Variants in SPAG17 observed in about 807,000 individuals in gnomAD.
The protein encoded by SPAG17 is sperm associated antigen 17, also known as sperm-associated antigen 17.
In SPAG17, 169 loss-of-function variants were observed where a neutral mutation model predicts 273.6. That is an observed-to-expected ratio of 0.62 (90% CI 0.55 to 0.70). The LOEUF (loss-of-function observed/expected upper bound fraction) is 0.70, where lower values mean the gene tolerates loss of function less well. Among genes scored for constraint, SPAG17 ranks in the 30% least tolerant of loss-of-function variants. The pLI, the probability that SPAG17 is intolerant of heterozygous loss-of-function variation, is 0.00. For missense variants in SPAG17, 2,557 were observed against 2,627.8 expected (o/e 0.97, Z 0.59); for synonymous variants, 825 against 873.2 (o/e 0.94, Z 0.97).
rs746861216 is a variant in SPAG17, at chr1:117,992,568, C to T, written c.5259G>A (p.Pro1753=). 9.3e-6 allele frequency: 15 copies of T among 1,613,552 alleles called. No individual in the cohort carries two copies. The highest frequency in any genetic ancestry group is 1.7e-4 in the Middle Eastern group (1 of 6,042). Residue 1753 remains proline (P), a synonymous_variant, in exon 36 of 49, where the codon CCG becomes CCA. Coordinates refer to ENST00000336338, the MANE Select transcript of SPAG17 (RefSeq NM_206996.4). ...CACTGGGGCTCTTGAGTATGGCACC[C>T]GGGGCACTCACTAGCTGTTTGGACT... ...CIESKQLVSA[P]GAILKSPSVL...
chr1:118,024,697 G>A (rs555088910), intron 27 of SPAG17, among the ~76,000 whole-genome samples: 3 of 152,090 alleles, frequency 2.0e-5, no homozygotes, highest in Non-Finnish European at 1.5e-5. Flanking sequence ...CATCCTCTGG[G>A]TGACAGTGAG....
chr1:118,081,081 ACACACACACT>A lies in SPAG17; in HGVS notation c.2209+10_2209+19del. ...CTTACACACACACACACACACACAC[ACACACACACT>A]TTAACTTACCCAGAGACTCATGTTG... is the stretch of plus-strand genomic sequence containing the variant. On this transcript the variant is annotated intron_variant, in intron 15 of 48. Transcript: ENST00000336338. 1 of 1,559,034 alleles carries A rather than the reference ACACACACACT, an allele frequency of 6.4e-7. No individual in the cohort carries two copies. Among genetic ancestry groups the A allele is most frequent in the South Asian group, 1.1e-5 (1 of 89,924 alleles).
At chr1:118,125,629 A>G (rs1657679657) in intron 3 of SPAG17, among the ~76,000 whole-genome samples, 1 of 152,134 alleles carries the variant, frequency 6.6e-6, no homozygotes, top group African/African-American at 2.4e-5. Context: ...TGTGGTATTT[A>G]TCTGTCTGTG....
intron 4 of SPAG17, among the ~76,000 whole-genome samples, chr1:118,106,446 A>T (rs940345264): frequency 1.3e-5 from 2 of 152,148 alleles, no homozygotes; most frequent in Non-Finnish European, 2.9e-5. Context: ...ATGGGTTTGT[A>T]AGGCACAAGT....
intron 1 of SPAG17, among the ~76,000 whole-genome samples, chr1:118,179,038 T>C (rs1230240308): frequency 6.6e-6 from 1 of 151,970 alleles, no homozygotes; most frequent in Non-Finnish European, 1.5e-5. Flanking sequence ...TCCAAAATAA[T>C]TTACAGTTAT....
Position 118,039,852 on chromosome 1 carries a change from A to G in SPAG17, c.3167-408T>C, listed in dbSNP as rs1048292137. ...ATGCTTAGAGATGTCACCTCTATAA[A>G]AGAATGCCTAAGGAAATAAAGTAAT... On this transcript the variant is annotated intron_variant, in intron 22 of 48. Coordinates refer to ENST00000336338, the MANE Select transcript of SPAG17 (RefSeq NM_206996.4). Among the ~76,000 whole-genome samples the G allele has an allele frequency of 5.3e-5, 8 of 152,182 alleles. No individual in the cohort carries two copies. In the East Asian group the frequency reaches 1.3e-3, roughly 26 times the overall value.
chr1:117,994,678 T>C, intron 34 of SPAG17, 148 bp from the exon 35 acceptor site: 1 of 753,022 alleles, frequency 1.3e-6, no homozygotes, highest in Non-Finnish European at 2.0e-6. Context: ...TTAGGAACCT[T>C]ACAATCAAAT....
intron 1 of SPAG17, among the ~76,000 whole-genome samples, chr1:118,174,222 T>C (rs1660571925): frequency 6.6e-6 from 1 of 151,966 alleles, no homozygotes; most frequent in African/African-American, 2.4e-5. Context: ...AATTAAAGAA[T>C]TAAAGGAATC....
At chr1:118,110,239 A>C (rs753057315) in intron 4 of SPAG17, among the ~76,000 whole-genome samples, 3 of 152,228 alleles carry the variant, frequency 2.0e-5, no homozygotes, top group Non-Finnish European at 2.9e-5. Context: ...TCACAAAACC[A>C]GTAATAATGA....
chr1:118,062,118 A>T (rs929618190), intron 18 of SPAG17, among the ~76,000 whole-genome samples: 1 of 152,146 alleles, frequency 6.6e-6, no homozygotes, highest in East Asian at 1.9e-4. Context: ...CTGTAATCCC[A>T]GCACTTTGGG....
chr1:117,959,119 T>C, intron 48 of SPAG17: 1 of 1,293,220 alleles, frequency 7.7e-7, no homozygotes, highest in Non-Finnish European at 1.1e-6. Context: ...AATCCATATT[T>C]GAGATAGTTT....
chr1:118,079,864 G>A (rs914564220), intron 15 of SPAG17, among the ~76,000 whole-genome samples: 10 of 151,996 alleles, frequency 6.6e-5, no homozygotes, highest in African/African-American at 2.4e-4. Flanking sequence ...CTTGACCTAG[G>A]TGTTAAATTT....
intron 42 of SPAG17, among the ~76,000 whole-genome samples, chr1:117,982,486 C>T (rs1427926488): frequency 6.6e-6 from 1 of 152,166 alleles, no homozygotes; most frequent in South Asian, 2.1e-4. Context: ...CGTGATCCAC[C>T]CGCTTTGGCC....
chr1:118,164,079 G>A (rs1328868727), intron 1 of SPAG17, among the ~76,000 whole-genome samples: 2 of 151,936 alleles, frequency 1.3e-5, no homozygotes, highest in Non-Finnish European at 2.9e-5. Context: ...CTCTTCTTCT[G>A]TCCCATAAAC....
At chr1:118,113,177 A>T (rs1010530836) in intron 4 of SPAG17, among the ~76,000 whole-genome samples, 1 of 151,940 alleles carries the variant, frequency 6.6e-6, no homozygotes, top group Non-Finnish European at 1.5e-5. Flanking sequence ...CATTTGAAAG[A>T]CAACATCTAC....
chr1:117,992,665 G>A lies in SPAG17; in HGVS notation c.5179-17C>T, dbSNP rs2101655379. 6.5e-7 allele frequency: 1 copy of A among 1,545,878 alleles called. No individual in the cohort carries two copies. Among genetic ancestry groups the A allele is most frequent in the Non-Finnish European group, 8.7e-7 (1 of 1,150,146 alleles). On this transcript the variant is annotated splice_polypyrimidine_tract_variant and intron_variant, in intron 35 of 48. Coordinates refer to ENST00000336338, the MANE Select transcript of SPAG17 (RefSeq NM_206996.4). ...AGTTTTTTTCTGTTAACAAAACAAA[G>A]CAATAACACCACCAAAGAAATCAGA...
At position 118,101,766 on chromosome 1, in the gene SPAG17, TCTC is replaced by T. The variant is rs1181850357; in HGVS notation, c.605_607del (p.Gly202del). 11 of 1,613,814 alleles carry T rather than the reference TCTC, an allele frequency of 6.8e-6. No individual in the cohort carries two copies. Among genetic ancestry groups the T allele is most frequent in the East Asian group, 2.2e-5 (1 of 44,864 alleles). On this transcript the variant is annotated inframe_deletion, in exon 5 of 49. Coordinates refer to ENST00000336338, the MANE Select transcript of SPAG17 (RefSeq NM_206996.4). ...AATGTAACGATTGGTGTGGTCGTCTTCTCCTCTCCGCTTTAACTGGGTGGTCTT... is the reference window on the plus strand; with the variant it reads ...AATGTAACGATTGGTGTGGTCGTCTTCTCTCCGCTTTAACTGGGTGGTCTT...
At chr1:118,124,818 A>G (rs1209066097) in intron 3 of SPAG17, among the ~76,000 whole-genome samples, 1 of 152,310 alleles carries the variant, frequency 6.6e-6, no homozygotes, top group Admixed American at 6.5e-5. Context: ...AACCCAGGCT[A>G]TCTGGTTCCA....
At position 117,970,618 on chromosome 1, in the gene SPAG17, A is replaced by G. The variant is rs188197760; in HGVS notation, c.6327-502T>C. 3.7e-3 allele frequency among the ~76,000 whole-genome samples: 559 copies of G among 152,296 alleles called. 3 individuals carry two copies. Among genetic ancestry groups the G allele is most frequent in the East Asian group, 0.023 (121 of 5,178 alleles). On this transcript the variant is annotated intron_variant, in intron 45 of 48. Transcript: ENST00000336338. ...AACTTGAAAAGCTCCGAGCTCACAC[A>G]TGGTGCTTATTGATCTCTCTCCCTT...
Sources: allele counts gnomAD v4.1 joint callset (sites outside exome capture counted in the v4.1 genomes callset), GRCh38; gene constraint gnomAD v4.1.1; transcripts MANE v1.5; gene names NCBI Gene and HGNC (gene_info 2026-07-23, HGNC 2026-07-21).